PCLO: variants seen among roughly 807,000 people sequenced by gnomAD.
The protein encoded by PCLO is protein piccolo.
In PCLO, 82 loss-of-function variants were observed where a neutral mutation model predicts 427.5. The ratio of observed to expected loss-of-function variants is 0.19; its 90% CI spans 0.16 to 0.23. PCLO has a LOEUF of 0.23. PCLO is among the 10% of genes least tolerant of loss of function. The pLI, the probability that PCLO is intolerant of heterozygous loss-of-function variation, is 1.00. For missense variants in PCLO, 6,239 were observed against 6,115.9 expected (o/e 1.02, Z -0.67); for synonymous variants, 2,357 against 2,155.4 (o/e 1.09, Z -2.59).
intron 3 of PCLO, among the ~76,000 whole-genome samples, chr7:83,061,575 C>G (rs1158714737): frequency 6.6e-6 from 1 of 152,128 alleles, no homozygotes; most frequent in East Asian, 1.9e-4. Flanking sequence ...TCTTAGGGAC[C>G]ACCTTAAAAA....
chr7:83,115,455 C>T (rs140306908), intron 3 of PCLO, among the ~76,000 whole-genome samples: 2 of 152,060 alleles, frequency 1.3e-5, no homozygotes, highest in African/African-American at 4.8e-5. Flanking sequence ...AAGATAAATG[C>T]CACAATCTTC....
At chr7:83,043,889 C>T (rs1332558978) in intron 3 of PCLO, among the ~76,000 whole-genome samples, 1 of 142,582 alleles carries the variant, frequency 7.0e-6, no homozygotes, top group African/African-American at 2.6e-5. Context: ...AGAGCCTTAA[C>T]TCAATCTTAT....
At position 82,953,077 on chromosome 7, in the gene PCLO, C is replaced by G. The variant is rs768753486; in HGVS notation, c.7876G>C (p.Val2626Leu). The change falls in exon 5 of 25, where the codon GTG becomes CTG. Residue 2626 changes from valine (V) to leucine (L), a missense_variant. Val to Leu is a conservative substitution (Grantham distance 32). This residue lies in a region of PCLO where 4,677 missense variants were observed against 4,468.4 expected (regional missense o/e 1.05). Coordinates refer to ENST00000333891, the MANE Select transcript of PCLO (RefSeq NM_033026.6). Reference protein sequence around the residue: ...VEPVFSVVPPVTAVEIPISSE... With the variant: ...VEPVFSVVPPLTAVEIPISSE... ...GAAATTGGAATTTCTACAGCTGTCA[C>G]AGGAGGAACTACAGAAAACACAGGT... is the stretch of plus-strand genomic sequence containing the variant. 1 of 1,613,932 alleles carries G rather than the reference C, an allele frequency of 6.2e-7. No individual in the cohort carries two copies.
At chr7:82,792,038 T>C (rs1791112583) in intron 22 of PCLO, among the ~76,000 whole-genome samples, 1 of 151,992 alleles carries the variant, frequency 6.6e-6, no homozygotes, top group African/African-American at 2.4e-5. Flanking sequence ...CTCCAGAGAT[T>C]TTGTATTTTA....
At chr7:83,073,854 C>A (rs904849617) in intron 3 of PCLO, among the ~76,000 whole-genome samples, 14 of 150,868 alleles carry the variant, frequency 9.3e-5, no homozygotes, top group African/African-American at 3.4e-4. Flanking sequence ...TTATTGAAAT[C>A]ATGATCATGC....
intron 9 of PCLO, chr7:82,879,955 T>A (rs908306878): frequency 1.0e-5 from 4 of 384,710 alleles, no homozygotes; most frequent in Non-Finnish European, 2.0e-5. Context: ...ATTAACCAAC[T>A]AATATTGTTT....
chr7:82,826,714 CA>C, intron 17 of PCLO, 54 bp from the exon 18 acceptor site: 1 of 1,085,340 alleles, frequency 9.2e-7, no homozygotes, highest in Admixed American at 1.9e-5. Flanking sequence ...CATACATTTT[CA>C]TTACACACAT....
In PCLO at chr7:83,155,282, C is replaced by A. The variant is rs1251324794; in HGVS notation, c.1359G>T (p.Gln453His). The A allele has an allele frequency of 5.0e-6, 8 of 1,613,840 alleles. No homozygotes were observed. Among genetic ancestry groups the A allele is most frequent in the Non-Finnish European group, 6.8e-6 (8 of 1,179,864 alleles). ...QPGPGKIPAQ[Q>H]AGPGKTSAQQ... is the part of the protein sequence containing the mutation. ...GGGCAGAAGTCTTTCCGGGTCCTGC[C>A]TGTTGAGCTGGAATCTTTCCTGGCC... The change falls in exon 2 of 25, where the codon CAG (glutamine) becomes CAT (histidine). Residue 453 changes from glutamine (Q) to histidine (H), a missense_variant. Transcript: ENST00000333891.
intron 3 of PCLO, among the ~76,000 whole-genome samples, chr7:83,057,393 G>A (rs372390982): frequency 1.5e-4 from 13 of 84,052 alleles, no homozygotes; most frequent in East Asian, 3.9e-4. Flanking sequence ...GCAGAGTCTC[G>A]CTCTGTCACC....
intron 22 of PCLO, among the ~76,000 whole-genome samples, chr7:82,777,271 A>G (rs62466903): frequency 0.017 from 2,541 of 152,296 alleles, 34 homozygotes; most frequent in Middle Eastern, 0.034. Flanking sequence ...AACATATGGG[A>G]AAACATCCCA....
At chr7:82,775,378 C>T (rs549888779) in intron 22 of PCLO, among the ~76,000 whole-genome samples, 22 of 152,302 alleles carry the variant, frequency 1.4e-4, no homozygotes, top group Non-Finnish European at 2.8e-4. Context: ...ATTCCTGTTG[C>T]TCCACATCTT....
chr7:82,942,284 C>T (rs928837751), intron 6 of PCLO, among the ~76,000 whole-genome samples: 1 of 152,186 alleles, frequency 6.6e-6, no homozygotes, highest in African/African-American at 2.4e-5. Context: ...ATACTCAATG[C>T]TCTATTAAGT....
intron 22 of PCLO, among the ~76,000 whole-genome samples, chr7:82,776,590 T>C (rs1385006863): frequency 6.6e-6 from 1 of 152,188 alleles, no homozygotes; most frequent in Non-Finnish European, 1.5e-5. Flanking sequence ...AAATCAGAAG[T>C]TCCAGATCAT....
In PCLO at chr7:82,955,440, G is replaced by A. The variant is rs763644568; in HGVS notation, c.5513C>T (p.Pro1838Leu). 20 of 1,613,546 alleles carry A rather than the reference G, an allele frequency of 1.2e-5. No homozygotes were observed. Among genetic ancestry groups the A allele is most frequent in the Admixed American group, 5.0e-5 (3 of 59,948 alleles). ...SNLSPIEDAS[P>L]TEELRQAAEM... is the part of the protein sequence containing the mutation. ...TGCAGCCTGACGTAACTCTTCTGTCGGAGATGCATCTTCAATGGGAGAGAG... is the reference window on the plus strand; with the variant it reads ...TGCAGCCTGACGTAACTCTTCTGTCAGAGATGCATCTTCAATGGGAGAGAG... Residue 1838 changes from proline to leucine, a missense_variant, in exon 5 of 25, where the codon CCG becomes CTG. Physicochemically the swap from Pro to Leu is moderately conservative, Grantham distance 98 (BLOSUM62 -3). This residue lies in a region of PCLO where 4,677 missense variants were observed against 4,468.4 expected (regional missense o/e 1.05). Transcript: ENST00000333891.
At position 82,755,070 on chromosome 7, in the gene PCLO, T is replaced by G. The variant is rs1790288131; in HGVS notation, c.*3505A>C. The G allele has an allele frequency of 6.6e-6, 1 of 152,094 alleles. No individual in the cohort carries two copies. Among genetic ancestry groups the G allele is most frequent in the Non-Finnish European group, 1.5e-5 (1 of 67,996 alleles). 9.4% of individuals were successfully genotyped at this position (152,094 alleles called of 1,614,324 possible). ...GGGCACAATATAATATATACTTTTA[T>G]TTTACTTCACATCACCACCACCGCT... is the stretch of plus-strand genomic sequence containing the variant. On this transcript the variant is annotated 3_prime_UTR_variant, in exon 25 of 25. Transcript: ENST00000333891.
rs540523198 is a variant in PCLO at position 83,067,157 on chromosome 7, C to A, written c.3300+67093G>T. 2.0e-5 allele frequency among the ~76,000 whole-genome samples: 3 copies of A among 152,174 alleles called. No homozygotes were observed. The South Asian group carries it at 6.2e-4, about 32-fold the overall frequency. Reference sequence around the variant, plus strand: ...ATCTCATTATGTATATGCAGATATTCCAAAATTTTAAAAATCTGAAATCTG... The same window carrying A: ...ATCTCATTATGTATATGCAGATATTACAAAATTTTAAAAATCTGAAATCTG... On this transcript the variant is annotated intron_variant, in intron 3 of 24. Coordinates refer to ENST00000333891, the MANE Select transcript of PCLO (RefSeq NM_033026.6).
At position 83,013,481 on chromosome 7, in the gene PCLO, A is replaced by G. The variant is rs559992032; in HGVS notation, c.3301-46994T>C. Among the ~76,000 whole-genome samples the G allele has an allele frequency of 2.0e-5, 3 of 152,152 alleles. No homozygotes were observed. The East Asian group carries it at 5.8e-4, about 29-fold the overall frequency. On this transcript the variant is annotated intron_variant, in intron 3 of 24. Transcript: ENST00000333891. Reference sequence around the variant, plus strand: ...AGATAAAATTAAAAGTGTGTATAGAAGTGCCTTGCATAGTGTCTACAACAA... The same window carrying G: ...AGATAAAATTAAAAGTGTGTATAGAGGTGCCTTGCATAGTGTCTACAACAA...
intron 8 of PCLO, among the ~76,000 whole-genome samples, chr7:82,903,161 G>T (rs1160653927): frequency 6.6e-6 from 1 of 151,850 alleles, no homozygotes; most frequent in East Asian, 1.9e-4. Context: ...TGTGCCGGGG[G>T]AGAAAAAATA....
chr7:82,993,130 C>A (rs573185902), intron 3 of PCLO, among the ~76,000 whole-genome samples: 1 of 152,030 alleles, frequency 6.6e-6, no homozygotes, highest in East Asian at 1.9e-4. Context: ...TTCCCCCTTC[C>A]TCTAGATTGT....
Sources: gnomAD v4.1 joint callset for allele counts (sites outside exome capture counted in the v4.1 genomes callset) on GRCh38, gnomAD v4.1.1 for gene constraint, gnomAD v4.1.1 regional missense constraint, MANE v1.5 for transcripts, NCBI Gene and HGNC (gene_info 2026-07-23, HGNC 2026-07-21) for gene names.